NALCN: variants seen among roughly 807,000 people sequenced by gnomAD.
The protein encoded by NALCN is sodium leak channel NALCN.
In NALCN, 111 loss-of-function variants were observed where a neutral mutation model predicts 225.3. The ratio of observed to expected loss-of-function variants is 0.49; its 90% CI spans 0.42 to 0.58. NALCN has a LOEUF of 0.58. Ranked by LOEUF, NALCN falls within the 20% of genes least tolerant of loss-of-function variation. The pLI is 0.00. For synonymous variants in NALCN, 764 were observed against 769.0 expected (o/e 0.99, Z 0.11); for missense variants, 1,378 against 2,202.4 (o/e 0.63, Z 7.49).
intron 28 of NALCN, among the ~76,000 whole-genome samples, chr13:101,094,053 C>T (rs190725298): frequency 2.2e-4 from 34 of 152,304 alleles, no homozygotes; most frequent in African/African-American, 7.2e-4. Context: ...CCCAGGAGTG[C>T]CTCATTGCAC....
chr13:101,147,180 C>T (rs1360102418), intron 15 of NALCN, among the ~76,000 whole-genome samples: 1 of 152,192 alleles, frequency 6.6e-6, no homozygotes, highest in Non-Finnish European at 1.5e-5. Flanking sequence ...CCTGCATCCC[C>T]ACCAGTGCCT....
chr13:101,165,029 G>A (rs940385998), intron 15 of NALCN, among the ~76,000 whole-genome samples: 13 of 152,140 alleles, frequency 8.5e-5, no homozygotes, highest in South Asian at 2.1e-4. Flanking sequence ...CGGTCCTCTC[G>A]CTCCTGGGCA....
At chr13:101,101,468 A>G (rs2034818773) in intron 26 of NALCN, among the ~76,000 whole-genome samples, 3 of 152,020 alleles carry the variant, frequency 2.0e-5, no homozygotes, top group Admixed American at 1.3e-4. Flanking sequence ...TTTAGTAGAG[A>G]CAGGGTTTCA....
At chr13:101,058,272 T>A in intron 42 of NALCN, 1 of 524,396 alleles carries the variant, frequency 1.9e-6, no homozygotes. Context: ...CCACTCTTCC[T>A]GGGACATCTT....
At chr13:101,196,233 T>C (rs1342477920) in intron 13 of NALCN, among the ~76,000 whole-genome samples, 5 of 152,192 alleles carry the variant, frequency 3.3e-5, no homozygotes, top group African/African-American at 7.2e-5. Flanking sequence ...ACATGTCTCA[T>C]TGGGAAAATA....
At chr13:101,151,500 T>G (rs1272555863) in intron 15 of NALCN, among the ~76,000 whole-genome samples, 1 of 152,226 alleles carries the variant, frequency 6.6e-6, no homozygotes, top group Non-Finnish European at 1.5e-5. Flanking sequence ...TGCATAGATT[T>G]GTGAGTTGAT....
At chr13:101,285,438 T>C (rs1328740089) in intron 9 of NALCN, among the ~76,000 whole-genome samples, 1 of 151,692 alleles carries the variant, frequency 6.6e-6, no homozygotes, top group East Asian at 1.9e-4. Context: ...TAGCTGGGAC[T>C]ACAGGCACCC....
chr13:101,191,060 A>G (rs2039659271), intron 14 of NALCN, among the ~76,000 whole-genome samples: 1 of 152,208 alleles, frequency 6.6e-6, no homozygotes, highest in African/African-American at 2.4e-5. Context: ...ATTAGCAATA[A>G]TATTGTAAGA....
chr13:101,070,063 G>GTTCTTTTTT lies in NALCN; in HGVS notation c.4198-1237_4198-1236insAAAAAAGAA, dbSNP rs536866923. Among the ~76,000 whole-genome samples, 266 of 98,296 alleles carry GTTCTTTTTT rather than the reference G, an allele frequency of 2.7e-3. 15 individuals are homozygous for GTTCTTTTTT. The highest frequency in any genetic ancestry group is 4.1e-3 in the East Asian group (13 of 3,144). The allele number at this position is 98,296 out of a possible 152,430, so 64.5% of individuals were successfully genotyped here. A position where few individuals can be genotyped will look rare whatever the true frequency, so the allele number is the denominator to read the frequency against. On this transcript the variant is annotated intron_variant, in intron 37 of 43. Coordinates refer to ENST00000251127, the MANE Select transcript of NALCN (RefSeq NM_052867.4). ...TGACCTCCTTCCATGAATCATGAATGTTTTTTTTTTTTTTTTTTTTTGAGA... is the reference window on the plus strand; with the variant it reads ...TGACCTCCTTCCATGAATCATGAATGTTCTTTTTTTTTTTTTTTTTTTTTTTTTTTGAGA...
chr13:101,383,807 A>G (rs2046914145), intron 3 of NALCN, among the ~76,000 whole-genome samples: 1 of 152,238 alleles, frequency 6.6e-6, no homozygotes, highest in Non-Finnish European at 1.5e-5. Context: ...TAGTTTGCAT[A>G]AGCAGAACTA....
intron 9 of NALCN, among the ~76,000 whole-genome samples, chr13:101,285,339 G>A (rs1266940000): frequency 4.0e-5 from 6 of 151,760 alleles, no homozygotes; most frequent in South Asian, 2.1e-4. Flanking sequence ...CTGCTCTGTC[G>A]CCCAGGCTGG....
At chr13:101,141,062 A>G (rs1431049309) in intron 17 of NALCN, among the ~76,000 whole-genome samples, 1 of 152,244 alleles carries the variant, frequency 6.6e-6, no homozygotes, top group Non-Finnish European at 1.5e-5. Context: ...TTAGAAGCAA[A>G]GGATGACCTC....
chr13:101,395,838 C>T (rs2047275672), intron 2 of NALCN, among the ~76,000 whole-genome samples: 1 of 152,106 alleles, frequency 6.6e-6, no homozygotes, highest in Admixed American at 6.5e-5. Flanking sequence ...TTTACCATAA[C>T]TTCCCTAGCA....
At chr13:101,164,959 G>C (rs930874929) in intron 15 of NALCN, among the ~76,000 whole-genome samples, 1 of 152,138 alleles carries the variant, frequency 6.6e-6, no homozygotes, top group Admixed American at 6.5e-5. Flanking sequence ...CAACAGATTT[G>C]AGTGAAATGC....
chr13:101,127,006 ATTCCACAACTCTTAT>A (rs1428048008), intron 17 of NALCN, among the ~76,000 whole-genome samples: 1 of 152,192 alleles, frequency 6.6e-6, no homozygotes, highest in East Asian at 1.9e-4. Context: ...AGGACTCCAG[ATTCCACAACTCTTAT>A]TTCATCTTGA....
At chr13:101,234,788 T>G (rs887623618) in intron 12 of NALCN, among the ~76,000 whole-genome samples, 1 of 152,166 alleles carries the variant, frequency 6.6e-6, no homozygotes, top group African/African-American at 2.4e-5. Context: ...AAACTGAAAT[T>G]GCAAACTTCA....
chr13:101,214,491 T>G (rs1340924650), intron 13 of NALCN, among the ~76,000 whole-genome samples: 1 of 152,048 alleles, frequency 6.6e-6, no homozygotes, highest in Non-Finnish European at 1.5e-5. Context: ...TACTGTTTCT[T>G]CTTCTCAAAA....
chr13:101,100,894 A>G lies in NALCN; in HGVS notation c.3058-6T>C. ...GTCAGCAAAAGAATGGAGACCTGAA[A>G]GAAATTGATGAAATGTTAAATCTCT... On this transcript the variant is annotated splice_region_variant and splice_polypyrimidine_tract_variant and intron_variant, in intron 26 of 43. Coordinates refer to ENST00000251127, the MANE Select transcript of NALCN (RefSeq NM_052867.4). The G allele has an allele frequency of 6.2e-7, 1 of 1,601,200 alleles. No homozygotes were observed.
At position 101,065,656 on chromosome 13, in the gene NALCN, A is replaced by T. The variant is rs73552978; in HGVS notation, c.4447-95T>A. 2,948 of 1,461,630 alleles carry T rather than the reference A, an allele frequency of 2.0e-3. 43 individuals are homozygous for T. In the African/African-American group the frequency reaches 0.033, roughly 16 times the overall value. 90.5% of individuals were successfully genotyped at this position (1,461,630 alleles called of 1,614,324 possible). A position where few individuals can be genotyped will look rare whatever the true frequency, so the allele number is the denominator to read the frequency against. On this transcript the variant is annotated intron_variant, in intron 39 of 43. Coordinates refer to ENST00000251127, the MANE Select transcript of NALCN (RefSeq NM_052867.4). ...AAAAAAAAAGGTGCTATTTCTCAAAAGCTAGCATAATTAGCACCAGATGTG... is the reference window on the plus strand; with the variant it reads ...AAAAAAAAAGGTGCTATTTCTCAAATGCTAGCATAATTAGCACCAGATGTG...
Sources: gnomAD v4.1 joint callset for allele counts (sites outside exome capture counted in the v4.1 genomes callset) on GRCh38, gnomAD v4.1.1 for gene constraint, MANE v1.5 for transcripts, NCBI Gene and HGNC (gene_info 2026-07-23, HGNC 2026-07-21) for gene names.